Variants in PRKN observed in about 807,000 individuals in gnomAD.
PRKN encodes parkin RBR E3 ubiquitin protein ligase, also known as E3 ubiquitin-protein ligase parkin.
A neutral mutation model predicts 59.5 loss-of-function variants in PRKN; 56 were observed. The ratio of observed to expected loss-of-function variants is 0.94; its 90% CI spans 0.76 to 1.18. PRKN has a LOEUF of 1.18. Ranked by LOEUF, PRKN falls within the 50% of genes most tolerant of loss-of-function variation. The pLI, the probability that PRKN is intolerant of heterozygous loss-of-function variation, is 0.00. For synonymous variants in PRKN, 250 were observed against 222.1 expected, an observed-to-expected ratio of 1.13 and a Z score of -1.12; for missense variants, 657 against 596.4, an observed-to-expected ratio of 1.10 and a Z score of -1.06.
chr6:162,304,148 C>T (rs1461140106), intron 2 of PRKN, among the ~76,000 whole-genome samples: 1 of 142,466 alleles, frequency 7.0e-6, no homozygotes, highest in Non-Finnish European at 1.6e-5. Context: ...CTTTTCCTCA[C>T]CTCTGAATTG....
chr6:161,634,020 A>G (rs181305576), intron 7 of PRKN, among the ~76,000 whole-genome samples: 3 of 151,782 alleles, frequency 2.0e-5, no homozygotes, highest in African/African-American at 7.3e-5. Context: ...ACACACACAC[A>G]CACACACACA....
At chr6:161,508,584 G>A (rs192744879) in intron 9 of PRKN, among the ~76,000 whole-genome samples, 3 of 152,174 alleles carry the variant, frequency 2.0e-5, no homozygotes, top group African/African-American at 4.8e-5. Context: ...AGCTTCCTCC[G>A]TATCATGTCC....
chr6:162,246,993 A>G (rs1200180998), intron 3 of PRKN, among the ~76,000 whole-genome samples: 2 of 152,254 alleles, frequency 1.3e-5, no homozygotes, highest in East Asian at 1.9e-4. Context: ...TTTAGTTTAC[A>G]TATTTTTGGC....
intron 7 of PRKN, among the ~76,000 whole-genome samples, chr6:161,779,009 G>A (rs113412755): frequency 0.057 from 8,612 of 151,852 alleles, 777 homozygotes; most frequent in African/African-American, 0.19. Flanking sequence ...CAATGATCTC[G>A]GCTCACTGCA....
chr6:162,530,288 G>C (rs1778459079), intron 1 of PRKN, among the ~76,000 whole-genome samples: 1 of 152,274 alleles, frequency 6.6e-6, no homozygotes, highest in East Asian at 1.9e-4. Context: ...GAATAGCTGA[G>C]TGAAAACTTG....
At chr6:161,774,430 ACACG>A (rs200155486) in intron 7 of PRKN, among the ~76,000 whole-genome samples, 10 of 137,192 alleles carry the variant, frequency 7.3e-5, no homozygotes, top group African/African-American at 2.8e-4. Context: ...ACACACACAC[ACACG>A]GCGTGGCTAG....
intron 9 of PRKN, among the ~76,000 whole-genome samples, chr6:161,522,987 T>G (rs12209107): frequency 0.19 from 28,445 of 152,208 alleles, 2,872 homozygotes; most frequent in Middle Eastern, 0.3. Flanking sequence ...TTTGATGCTA[T>G]GCAAGACAAA....
At chr6:162,630,051 G>A (rs1346785069) in intron 1 of PRKN, among the ~76,000 whole-genome samples, 2 of 152,088 alleles carry the variant, frequency 1.3e-5, no homozygotes, top group African/African-American at 2.4e-5. Context: ...CGTCAACTGT[G>A]CACGATGGTC....
At chr6:161,686,090 AAAAG>A (rs916310219) in intron 7 of PRKN, among the ~76,000 whole-genome samples, 4 of 152,248 alleles carry the variant, frequency 2.6e-5, no homozygotes, top group African/African-American at 9.6e-5. Context: ...AAAAAAAAAA[AAAAG>A]AGTGGGTAAA....
In PRKN at chr6:161,778,616, C is replaced by A. The variant is rs1216518542; in HGVS notation, c.871+7156G>T. Among the ~76,000 whole-genome samples, 6 of 152,254 alleles carry A rather than the reference C, an allele frequency of 3.9e-5. No individual in the cohort carries two copies. The East Asian group carries it at 1.2e-3, about 29-fold the overall frequency. On this transcript the variant is annotated intron_variant, in intron 7 of 11. Coordinates refer to ENST00000366898, the MANE Select transcript of PRKN (RefSeq NM_004562.3). ...TTCAGAGAAATCAGCAAGGGCCACTCCCAAGATTCCATACGTCAAAGACAA... is the reference window on the plus strand; with the variant it reads ...TTCAGAGAAATCAGCAAGGGCCACTACCAAGATTCCATACGTCAAAGACAA...
At chr6:161,886,755 A>AT (rs201885127) in intron 6 of PRKN, among the ~76,000 whole-genome samples, 15,672 of 139,398 alleles carry the variant, frequency 0.11, 963 homozygotes, top group African/African-American at 0.18. Flanking sequence ...ATAAAATAAA[A>AT]AAAAATAAAA....
intron 2 of PRKN, among the ~76,000 whole-genome samples, chr6:162,283,730 AG>A (rs1781035388): frequency 6.6e-6 from 1 of 152,178 alleles, no homozygotes; most frequent in African/African-American, 2.4e-5. Context: ...CATATTGGCC[AG>A]GCTGGTCTCG....
At chr6:162,727,190 G>C (rs1302140363) in intron 1 of PRKN, 1 of 157,816 alleles carries the variant, frequency 6.3e-6, no homozygotes, top group East Asian at 1.8e-4. Flanking sequence ...CCTTCCATTA[G>C]AGTTTAATGC....
intron 5 of PRKN, among the ~76,000 whole-genome samples, chr6:162,010,567 T>A (rs1335524090): frequency 5.6e-5 from 1 of 17,942 alleles, no homozygotes; most frequent in Non-Finnish European, 7.4e-5. Context: ...ATATAATATA[T>A]TATATAATGT....
chr6:161,947,259 A>T (rs1324264516), intron 6 of PRKN, among the ~76,000 whole-genome samples: 3 of 152,232 alleles, frequency 2.0e-5, no homozygotes, highest in African/African-American at 4.8e-5. Context: ...TTATTGGCTT[A>T]AAGGAGGGAA....
chr6:162,702,278 T>C (rs1255751378), intron 1 of PRKN, among the ~76,000 whole-genome samples: 1 of 152,132 alleles, frequency 6.6e-6, no homozygotes, highest in Non-Finnish European at 1.5e-5. Context: ...TACTTGACGT[T>C]TTTCCTTTAA....
chr6:162,039,738 G>T (rs1325799426), intron 5 of PRKN, among the ~76,000 whole-genome samples: 1 of 152,246 alleles, frequency 6.6e-6, no homozygotes, highest in African/African-American at 2.4e-5. Flanking sequence ...AATTATCATT[G>T]TCTGTTGCTA....
intron 9 of PRKN, among the ~76,000 whole-genome samples, chr6:161,425,250 G>C (rs941892807): frequency 1.3e-5 from 2 of 152,152 alleles, no homozygotes; most frequent in Non-Finnish European, 2.9e-5. Context: ...CAGCCCACCA[G>C]CTTTCTACTG....
In PRKN at chr6:161,369,610, T is replaced by C. The variant is rs908976782; in HGVS notation, c.1168-9405A>G. Among the ~76,000 whole-genome samples the C allele has an allele frequency of 1.3e-5, 2 of 152,200 alleles. No homozygotes were observed. The highest frequency in any genetic ancestry group is 2.9e-5 in the Non-Finnish European group (2 of 68,030). On this transcript the variant is annotated intron_variant, in intron 10 of 11. Coordinates refer to ENST00000366898, the MANE Select transcript of PRKN (RefSeq NM_004562.3). The surrounding 1 kb of genome is among the most constrained non-coding windows in gnomAD (Gnocchi z 5.8). ...ACTGTTAGGTAATTGCATAGAATTCTGTGCCTGTCTACTGCTCACCCGTGG... is the reference window on the plus strand; with the variant it reads ...ACTGTTAGGTAATTGCATAGAATTCCGTGCCTGTCTACTGCTCACCCGTGG...
Sources: gnomAD v4.1 joint callset for allele counts (sites outside exome capture counted in the v4.1 genomes callset) on GRCh38, gnomAD v4.1.1 for gene constraint, Gnocchi (gnomAD v3.1) non-coding constraint, MANE v1.5 for transcripts, NCBI Gene and HGNC (gene_info 2026-07-23, HGNC 2026-07-21) for gene names.